Variants in VPS8 observed in about 807,000 individuals in gnomAD.
The protein encoded by VPS8 is vacuolar protein sorting-associated protein 8 homolog.
VPS8 carries 129 observed loss-of-function variants against 216.4 expected under a neutral mutation model. The ratio of observed to expected loss-of-function variants is 0.60; its 90% CI spans 0.52 to 0.69. The LOEUF (loss-of-function observed/expected upper bound fraction) is 0.69, where lower values mean the gene tolerates loss of function less well. Among genes scored for constraint, VPS8 ranks in the 30% least tolerant of loss-of-function variants. VPS8 has a pLI of 0.00. For missense variants in VPS8, 1,531 were observed against 1,683.5 expected, an observed-to-expected ratio of 0.91 and a Z score of 1.59; for synonymous variants, 571 against 565.4, an observed-to-expected ratio of 1.01 and a Z score of -0.14.
At chr3:184,966,101 G>A (rs1351249137) in intron 38 of VPS8, among the ~76,000 whole-genome samples, 1 of 152,156 alleles carries the variant, frequency 6.6e-6, no homozygotes, top group Non-Finnish European at 1.5e-5. Context: ...TCTAGCATCT[G>A]CTTCTGGTGA....
chr3:185,047,736 A>G (rs1713257419), intron 46 of VPS8, among the ~76,000 whole-genome samples: 1 of 152,070 alleles, frequency 6.6e-6, no homozygotes, highest in African/African-American at 2.4e-5. Context: ...CTTCCTTCCC[A>G]CAGGTGAGGC....
chr3:185,042,918 T>C (rs1712006250), intron 46 of VPS8, among the ~76,000 whole-genome samples: 1 of 152,156 alleles, frequency 6.6e-6, no homozygotes, highest in Non-Finnish European at 1.5e-5. Flanking sequence ...TTTCAAAGAC[T>C]TTAAACCAAT....
At chr3:184,859,876 G>T (rs1725946404) in intron 14 of VPS8, 109 bp from the exon 15 acceptor site, 3 of 691,712 alleles carry the variant, frequency 4.3e-6, no homozygotes, top group Non-Finnish European at 4.8e-6. Context: ...TTATCTACAG[G>T]GAATGGGATA....
At chr3:184,920,934 T>C (rs1738499838) in intron 29 of VPS8, among the ~76,000 whole-genome samples, 2 of 152,254 alleles carry the variant, frequency 1.3e-5, no homozygotes, top group South Asian at 4.1e-4. Context: ...TGTATGTTTA[T>C]ATACGTTATT....
rs748207135 is a variant in VPS8, at chr3:184,959,178, C to T, written c.3183+1657C>T. Reference sequence around the variant, plus strand: ...AGGAAGTGACATTCTTTACTTACTGCCAGGCTAGGAACCCTGTAAGCACAC... The same window carrying T: ...AGGAAGTGACATTCTTTACTTACTGTCAGGCTAGGAACCCTGTAAGCACAC... On this transcript the variant is annotated intron_variant, in intron 37 of 47. Transcript: ENST00000625842. Among the ~76,000 whole-genome samples the T allele has an allele frequency of 4.5e-4, 68 of 152,136 alleles. 1 individual carries two copies. Among genetic ancestry groups the T allele is most frequent in the Non-Finnish European group, 1.3e-4 (9 of 68,012 alleles).
intron 37 of VPS8, among the ~76,000 whole-genome samples, chr3:184,958,541 C>T (rs1047673699): frequency 6.6e-5 from 10 of 152,042 alleles, no homozygotes; most frequent in Non-Finnish European, 1.2e-4. Context: ...CCTGGATTGC[C>T]GTTTGAATGA....
intron 36 of VPS8, among the ~76,000 whole-genome samples, chr3:184,944,109 T>C (rs1056596183): frequency 2.1e-4 from 32 of 152,216 alleles, no homozygotes; most frequent in African/African-American, 7.5e-4. Context: ...GGGTAGTTTT[T>C]ATTTTGTCAA....
chr3:184,959,039 G>A (rs147103039), intron 37 of VPS8, among the ~76,000 whole-genome samples: 22 of 152,188 alleles, frequency 1.4e-4, no homozygotes, highest in East Asian at 9.7e-4. Context: ...AAAGTCTCTC[G>A]TCTTCAGGCT....
At chr3:185,026,833 T>C (rs1039648467) in intron 46 of VPS8, among the ~76,000 whole-genome samples, 8 of 150,996 alleles carry the variant, frequency 5.3e-5, no homozygotes, top group African/African-American at 1.7e-4. Flanking sequence ...CTTAGTCTCC[T>C]GAGTACCTGG....
At chr3:184,816,354 G>A (rs1716321605) in intron 1 of VPS8, 1 of 152,172 alleles carries the variant, frequency 6.6e-6, no homozygotes, top group Non-Finnish European at 1.5e-5. Flanking sequence ...AGCACTCACT[G>A]TATACAGGAA....
At chr3:184,816,102 C>T (rs1293971247) in intron 1 of VPS8, 2 of 152,182 alleles carry the variant, frequency 1.3e-5, no homozygotes, top group Non-Finnish European at 2.9e-5. Context: ...TGAGAAGAGA[C>T]ATTCTCATGA....
intron 42 of VPS8, among the ~76,000 whole-genome samples, chr3:184,987,487 G>A (rs548918778): frequency 2.6e-5 from 4 of 152,098 alleles, no homozygotes; most frequent in Admixed American, 1.3e-4. Context: ...CATAGAGTGC[G>A]TAGTCTTTTC....
intron 21 of VPS8, among the ~76,000 whole-genome samples, chr3:184,880,492 G>A (rs1180360845): frequency 6.6e-6 from 1 of 152,184 alleles, no homozygotes; most frequent in Non-Finnish European, 1.5e-5. Context: ...GCACATATCA[G>A]TAGTTGGTTG....
At chr3:185,017,000 T>C (rs1372718538) in intron 45 of VPS8, among the ~76,000 whole-genome samples, 1 of 152,000 alleles carries the variant, frequency 6.6e-6, no homozygotes, top group Non-Finnish European at 1.5e-5. Flanking sequence ...TCAAACCTTG[T>C]AAATTTTTTC....
intron 22 of VPS8, 33 bp from the exon 23 acceptor site, chr3:184,894,670 C>T (rs1733054061): frequency 6.6e-7 from 1 of 1,517,836 alleles, no homozygotes; most frequent in Non-Finnish European, 9.0e-7. Context: ...TGGCATGTTC[C>T]TAAAAGTTTT....
At chr3:184,958,993 G>A (rs373132708) in intron 37 of VPS8, among the ~76,000 whole-genome samples, 8 of 152,108 alleles carry the variant, frequency 5.3e-5, no homozygotes, top group African/African-American at 1.9e-4. Flanking sequence ...AATCTCCTCT[G>A]CTGAAACTTA....
chr3:184,979,669 A>G (rs750589806), intron 40 of VPS8, among the ~76,000 whole-genome samples: 8 of 151,754 alleles, frequency 5.3e-5, no homozygotes, highest in Non-Finnish European at 7.4e-5. Context: ...TTCTCCATCC[A>G]TTTTCTTTGA....
At chr3:184,913,134 G>T (rs1736864123) in intron 25 of VPS8, among the ~76,000 whole-genome samples, 1 of 152,182 alleles carries the variant, frequency 6.6e-6, no homozygotes, top group African/African-American at 2.4e-5. Context: ...ACGGTAGGTG[G>T]TAAAAGTCCA....
intron 45 of VPS8, among the ~76,000 whole-genome samples, chr3:185,008,513 A>C (rs1754562748): frequency 6.6e-6 from 1 of 152,222 alleles, no homozygotes; most frequent in Admixed American, 6.5e-5. Flanking sequence ...ACAGGTACAT[A>C]ATTGGCATAA....
Sources: gnomAD v4.1 joint callset for allele counts (sites outside exome capture counted in the v4.1 genomes callset) on GRCh38, gnomAD v4.1.1 for gene constraint, MANE v1.5 for transcripts, NCBI Gene and HGNC (gene_info 2026-07-23, HGNC 2026-07-21) for gene names.